Variants in SAFB observed in about 807,000 individuals in gnomAD.
SAFB encodes the protein scaffold attachment factor B1.
SAFB carries 15 observed loss-of-function variants against 101.6 expected under a neutral mutation model. The ratio of observed to expected loss-of-function variants is 0.15; its 90% confidence interval spans 0.10 to 0.23. The LOEUF is 0.23. SAFB is among the 10% of genes least tolerant of loss of function. The pLI is 1.00. For missense variants in SAFB, 930 were observed against 1,104.1 expected (o/e 0.84, Z 2.23); for synonymous variants, 449 against 407.5 (o/e 1.10, Z -1.23).
At position 5,667,977 on chromosome 19, in the gene SAFB, T is replaced by C; in HGVS notation, c.2624+91T>C. ...TTAACAACCAAGTCCTTCCAGCTAGTGCCCCTCCCCCCAAGGGTGACGTGA... is the reference window on the plus strand; with the variant it reads ...TTAACAACCAAGTCCTTCCAGCTAGCGCCCCTCCCCCCAAGGGTGACGTGA... On this transcript the variant is annotated intron_variant, in intron 20 of 20. Transcript: ENST00000588852. The surrounding 1 kb of genome is among the most constrained non-coding windows in gnomAD (Gnocchi z 4.0). The C allele has an allele frequency of 6.9e-7, 1 of 1,445,046 alleles. No homozygotes were observed. Among genetic ancestry groups the C allele is most frequent in the Non-Finnish European group, 9.4e-7 (1 of 1,062,998 alleles). 89.5% of individuals were successfully genotyped at this position (1,445,046 alleles called of 1,614,324 possible). A position where few individuals can be genotyped will look rare whatever the true frequency, so the allele number is the denominator to read the frequency against.
At chr19:5,630,956 C>T (rs1459873962) in intron 2 of SAFB, among the ~76,000 whole-genome samples, 1 of 151,710 alleles carries the variant, frequency 6.6e-6, no homozygotes, top group Non-Finnish European at 1.5e-5. Flanking sequence ...CTTTGGGAGG[C>T]TGAGGCGGGC....
intron 14 of SAFB, among the ~76,000 whole-genome samples, chr19:5,658,091 C>A (rs1434358604): frequency 6.6e-6 from 1 of 151,566 alleles, no homozygotes; most frequent in Non-Finnish European, 1.5e-5. Flanking sequence ...TCCACCTCCC[C>A]TGTTCAAGCA....
In SAFB at chr19:5,623,084, G is replaced by A. The variant is rs2053219133; in HGVS notation, c.-122G>A. ...AACCTACGCTTGGTGCGCCTGCGCA[G>A]AAGCGAGGCGCGCTGGGGCGACTGG... On this transcript the variant is annotated 5_prime_UTR_variant, in exon 1 of 21. Transcript: ENST00000588852. 4.8e-6 allele frequency: 5 copies of A among 1,052,204 alleles called. No homozygotes were observed. The highest frequency in any genetic ancestry group is 3.1e-4 in the Middle Eastern group (1 of 3,272). 65.2% of individuals were successfully genotyped at this position (1,052,204 alleles called of 1,614,324 possible).
rs755187576 is a variant in SAFB at position 5,641,443 on chromosome 19, G to T, written c.275-151G>T. ...GGGTGGGGCAGGGCTGTCTTGTGCG[G>T]AATGGCCTCATTCCTGGATTAGGAA... On this transcript the variant is annotated intron_variant, in intron 2 of 20. Coordinates refer to ENST00000588852, the MANE Select transcript of SAFB (RefSeq NM_001201338.2). 47 of 660,104 alleles carry T rather than the reference G, an allele frequency of 7.1e-5. No homozygotes were observed. In the South Asian group the frequency reaches 7.8e-4, roughly 11 times the overall value. 40.9% of individuals were successfully genotyped at this position (660,104 alleles called of 1,614,324 possible). A position where few individuals can be genotyped will look rare whatever the true frequency, so the allele number is the denominator to read the frequency against.
rs1364223647 is a variant in SAFB, at chr19:5,667,935, C to T, written c.2624+49C>T. ...CCCTTCCCCCTGCTTTGCATATTGG[C>T]CTACCTTGCTGGAGGCTTAACAACC... On this transcript the variant is annotated intron_variant, in intron 20 of 20. Transcript: ENST00000588852. The surrounding 1 kb of genome is among the most constrained non-coding windows in gnomAD (Gnocchi z 4.0). 6.5e-7 allele frequency: 1 copy of T among 1,538,506 alleles called. No individual in the cohort carries two copies. The highest frequency in any genetic ancestry group is 8.8e-7 in the Non-Finnish European group (1 of 1,136,078).
intron 2 of SAFB, among the ~76,000 whole-genome samples, chr19:5,634,478 A>G (rs1199400463): frequency 6.6e-6 from 1 of 152,110 alleles, no homozygotes; most frequent in Non-Finnish European, 1.5e-5. Context: ...CTAGTTTAAT[A>G]CTTTTTATAA....
chr19:5,642,469 CA>C (rs11366187), intron 4 of SAFB, among the ~76,000 whole-genome samples: 8,618 of 139,146 alleles, frequency 0.062, 483 homozygotes, highest in African/African-American at 0.15. Flanking sequence ...AACAAACAAA[CA>C]AAAAAAAAAA....
At position 5,630,472 on chromosome 19, in the gene SAFB, A is replaced by G. The variant is rs553862105; in HGVS notation, c.274+3983A>G. Among the ~76,000 whole-genome samples, 3 of 152,332 alleles carry G rather than the reference A, an allele frequency of 2.0e-5. No homozygotes were observed. The East Asian group carries it at 5.8e-4, about 29-fold the overall frequency. On this transcript the variant is annotated intron_variant, in intron 2 of 20. Transcript: ENST00000588852. ...AGGACTTCTTTGCTTTTAAATTATT[A>G]AAAATATGACTGTAAGGCCAGGTGC...
chr19:5,658,407 A>G (rs540023761), intron 14 of SAFB, among the ~76,000 whole-genome samples: 1 of 152,340 alleles, frequency 6.6e-6, no homozygotes, highest in East Asian at 1.9e-4. Context: ...TAGTTTTAAA[A>G]GTAAGGACCC....
intron 13 of SAFB, 151 bp from the exon 14 acceptor site, chr19:5,657,090 A>G: frequency 1.7e-6 from 1 of 596,862 alleles, no homozygotes; most frequent in Non-Finnish European, 3.0e-6. Context: ...TTTTTAGTAG[A>G]GTCAAGGTTT....
intron 4 of SAFB, among the ~76,000 whole-genome samples, chr19:5,643,077 A>G (rs1439778433): frequency 6.6e-6 from 1 of 152,230 alleles, no homozygotes; most frequent in East Asian, 1.9e-4. Flanking sequence ...CACACAGCTC[A>G]TAACAGAATA....
chr19:5,658,923 G>T (rs555916109), intron 14 of SAFB, among the ~76,000 whole-genome samples: 1 of 152,178 alleles, frequency 6.6e-6, no homozygotes, highest in Non-Finnish European at 1.5e-5. Context: ...GAGGTGGGCG[G>T]ATCACAAGGT....
chr19:5,639,360 C>T (rs1341656870), intron 2 of SAFB, among the ~76,000 whole-genome samples: 1 of 152,064 alleles, frequency 6.6e-6, no homozygotes, highest in African/African-American at 2.4e-5. Flanking sequence ...AGGTATAAAC[C>T]ACTTACATTT....
rs2054263212 is a variant in SAFB, at chr19:5,663,578, A to G, written c.2154-444A>G. On this transcript the variant is annotated intron_variant, in intron 15 of 20. Coordinates refer to ENST00000588852, the MANE Select transcript of SAFB (RefSeq NM_001201338.2). ...TTTGGTACGAAATCCTTCTGATGACAGTTCATTATGGTCATCTGTGTATTG... is the reference window on the plus strand; with the variant it reads ...TTTGGTACGAAATCCTTCTGATGACGGTTCATTATGGTCATCTGTGTATTG... Among the ~76,000 whole-genome samples, 4 of 152,256 alleles carry G rather than the reference A, an allele frequency of 2.6e-5. No homozygotes were observed. In the South Asian group the frequency reaches 8.3e-4, roughly 32 times the overall value.
Position 5,637,231 on chromosome 19 carries a change from C to T in SAFB, c.275-4363C>T, listed in dbSNP as rs1289886300. ...TGATGGCGGGTGCCTGTAGTCCCAG[C>T]TACTCGGGAGGCTGAGGCAGGAGAA... On this transcript the variant is annotated intron_variant, in intron 2 of 20. Transcript: ENST00000588852. Among the ~76,000 whole-genome samples, 7 of 150,840 alleles carry T rather than the reference C, an allele frequency of 4.6e-5. 1 individual carries two copies. The highest frequency in any genetic ancestry group is 2.6e-4 in the Admixed American group (4 of 15,122).
chr19:5,659,825 A>G (rs549555738), intron 14 of SAFB, among the ~76,000 whole-genome samples: 1 of 152,288 alleles, frequency 6.6e-6, no homozygotes, highest in South Asian at 2.1e-4. Flanking sequence ...GCTAAACACT[A>G]GAGTGTTCCA....
rs2053655732 is a variant in SAFB, at chr19:5,639,266, GAA to G, written c.275-2327_275-2326del. On this transcript the variant is annotated intron_variant, in intron 2 of 20. Transcript: ENST00000588852. ...AGTCTCACTCAACATGAAACTGAGA[GAA>G]TAAATGTTTAAAACTTCAAAAGAAC... 4.6e-5 allele frequency among the ~76,000 whole-genome samples: 7 copies of G among 152,318 alleles called. No individual in the cohort carries two copies. The South Asian group carries it at 1.5e-3, about 32-fold the overall frequency.
At chr19:5,661,303 T>A (rs928845897) in intron 14 of SAFB, among the ~76,000 whole-genome samples, 1 of 151,934 alleles carries the variant, frequency 6.6e-6, no homozygotes, top group Non-Finnish European at 1.5e-5. Context: ...CCAGTTCTGA[T>A]CACACACACA....
In SAFB at chr19:5,664,405, G is replaced by A; in HGVS notation, c.2300G>A (p.Gly767Asp). ...TTAAATTGCCTTTTCAGGAGAGAAG[G>A]TTCAAGGTCAATGATGGGAGAACGA... Reference protein sequence around the residue: ...YPDHSVDRREGSRSMMGEREG... With the variant: ...YPDHSVDRREDSRSMMGEREG... The change falls in exon 17 of 21, where the codon GGT (glycine) becomes GAT (aspartate). Residue 767 changes from glycine (G) to aspartate (D), a missense_variant. Physicochemically the swap from Gly to Asp is moderately conservative, Grantham distance 94. Transcript: ENST00000588852. 1 of 1,613,448 alleles carries A rather than the reference G, an allele frequency of 6.2e-7. No homozygotes were observed. The highest frequency in any genetic ancestry group is 8.5e-7 in the Non-Finnish European group (1 of 1,179,382).
Sources: gnomAD v4.1 joint callset for allele counts (sites outside exome capture counted in the v4.1 genomes callset) on GRCh38, gnomAD v4.1.1 for gene constraint, Gnocchi (gnomAD v3.1) non-coding constraint, MANE v1.5 for transcripts, NCBI Gene and HGNC (gene_info 2026-07-23, HGNC 2026-07-21) for gene names.